Variants in PPARGC1A observed in about 807,000 individuals in gnomAD.
The protein encoded by PPARGC1A is peroxisome proliferator-activated receptor gamma coactivator 1-alpha.
A neutral mutation model predicts 88.7 loss-of-function variants in PPARGC1A; 25 were observed. The observed-to-expected ratio is 0.28, with a 90% CI of 0.21 to 0.39. PPARGC1A has a LOEUF of 0.39. PPARGC1A is among the 10% of genes least tolerant of loss of function. The pLI is 1.00. For synonymous variants in PPARGC1A, 363 were observed against 355.6 expected, an observed-to-expected ratio of 1.02 and a Z score of -0.24; for missense variants, 880 against 968.7, an observed-to-expected ratio of 0.91 and a Z score of 1.22.
chr4:24,025,190 A>T, the PPARGC1A span, among the ~76,000 whole-genome samples: 2 of 152,172 alleles, frequency 1.3e-5, no homozygotes, highest in African/African-American at 4.8e-5. Context: ...GAGCAATGAG[A>T]TATGCAGTGT....
the PPARGC1A span, among the ~76,000 whole-genome samples, chr4:24,433,050 C>T: frequency 6.6e-6 from 1 of 152,178 alleles, no homozygotes; most frequent in Non-Finnish European, 1.5e-5. Flanking sequence ...CTTCTGCCGA[C>T]TCTAATGCCT....
At chr4:24,180,586 G>A in the PPARGC1A span, among the ~76,000 whole-genome samples, 8 of 152,104 alleles carry the variant, frequency 5.3e-5, no homozygotes, top group Non-Finnish European at 1.0e-4. Flanking sequence ...GCAACACCCT[G>A]ACATCTAAAT....
the PPARGC1A span, among the ~76,000 whole-genome samples, chr4:24,018,496 A>AGG: frequency 6.6e-6 from 1 of 152,030 alleles, no homozygotes; most frequent in East Asian, 1.9e-4. Context: ...GAGGGTGATG[A>AGG]GGGGGGGCAA....
the PPARGC1A span, among the ~76,000 whole-genome samples, chr4:24,448,054 C>A: frequency 6.6e-6 from 1 of 152,214 alleles, no homozygotes; most frequent in African/African-American, 2.4e-5. Flanking sequence ...CACAAAGAAC[C>A]GTGGACATCT....
chr4:23,801,256 TACAC>T (rs914501271), intron 12 of PPARGC1A, among the ~76,000 whole-genome samples: 3 of 151,336 alleles, frequency 2.0e-5, no homozygotes, highest in East Asian at 1.9e-4. Context: ...CCTGCATACA[TACAC>T]ACACAAAGAC....
At chr4:24,371,075 C>G in the PPARGC1A span, among the ~76,000 whole-genome samples, 1 of 152,094 alleles carries the variant, frequency 6.6e-6, no homozygotes, top group African/African-American at 2.4e-5. Context: ...ATGATGGTTT[C>G]CAGCTTCATC....
the PPARGC1A span, among the ~76,000 whole-genome samples, chr4:24,074,104 G>C: frequency 3.3e-5 from 5 of 152,106 alleles, no homozygotes; most frequent in African/African-American, 1.2e-4. Flanking sequence ...CCGCAAAAGG[G>C]ATTTCCACTC....
chr4:24,127,525 T>TTATA, the PPARGC1A span, among the ~76,000 whole-genome samples: 7 of 151,190 alleles, frequency 4.6e-5, no homozygotes, highest in African/African-American at 7.3e-5. Flanking sequence ...ATGATTAACT[T>TTATA]TATATATATA....
chr4:24,303,227 G>A, the PPARGC1A span, among the ~76,000 whole-genome samples: 1 of 152,134 alleles, frequency 6.6e-6, no homozygotes, highest in African/African-American at 2.4e-5. Flanking sequence ...AGAAGACAGA[G>A]AAGAAGTTAT....
chr4:24,221,440 C>A, the PPARGC1A span, among the ~76,000 whole-genome samples: 1 of 152,118 alleles, frequency 6.6e-6, no homozygotes. Flanking sequence ...GATGGCAGAA[C>A]CTGGTTTTTA....
At chr4:24,320,397 AT>A in the PPARGC1A span, among the ~76,000 whole-genome samples, 2 of 152,166 alleles carry the variant, frequency 1.3e-5, no homozygotes, top group Admixed American at 1.3e-4. Context: ...CCAGATTTAC[AT>A]TTACTTGGCC....
the PPARGC1A span, among the ~76,000 whole-genome samples, chr4:23,971,732 C>T: frequency 6.6e-6 from 1 of 152,178 alleles, no homozygotes; most frequent in African/African-American, 2.4e-5. Flanking sequence ...GACTCAAATG[C>T]TAATCTCCTT....
chr4:24,209,080 G>A, the PPARGC1A span, among the ~76,000 whole-genome samples: 26 of 152,180 alleles, frequency 1.7e-4, no homozygotes, highest in Admixed American at 1.2e-3. Context: ...CGAAGTCATC[G>A]GCAGTGAAGA....
the PPARGC1A span, among the ~76,000 whole-genome samples, chr4:24,141,691 G>C: frequency 3.9e-5 from 6 of 152,196 alleles, no homozygotes; most frequent in African/African-American, 1.4e-4. Flanking sequence ...GCTGGTGAAG[G>C]AATGTTGCTT....
chr4:23,845,519 C>T (rs962847659), intron 2 of PPARGC1A, among the ~76,000 whole-genome samples: 4 of 152,070 alleles, frequency 2.6e-5, no homozygotes, highest in African/African-American at 9.7e-5. Flanking sequence ...AAAATTGTCT[C>T]AAGGTGGTTG....
At chr4:24,180,240 C>T in the PPARGC1A span, among the ~76,000 whole-genome samples, 12 of 152,292 alleles carry the variant, frequency 7.9e-5, no homozygotes, top group African/African-American at 2.6e-4. Context: ...ACAATCTTTG[C>T]TAATCTGCAA....
At chr4:24,014,560 T>C in the PPARGC1A span, among the ~76,000 whole-genome samples, 1 of 152,138 alleles carries the variant, frequency 6.6e-6, no homozygotes, top group African/African-American at 2.4e-5. Context: ...CAGCCTGTGT[T>C]CTCATCTGGA....
At chr4:23,969,698 A>G in the PPARGC1A span, among the ~76,000 whole-genome samples, 1 of 152,130 alleles carries the variant, frequency 6.6e-6, no homozygotes, top group Non-Finnish European at 1.5e-5. Flanking sequence ...GTCTTTTTAA[A>G]TTCAGCCCCA....
At chr4:24,339,657 G>T in the PPARGC1A span, among the ~76,000 whole-genome samples, 3 of 152,174 alleles carry the variant, frequency 2.0e-5, no homozygotes, top group Non-Finnish European at 2.9e-5. Flanking sequence ...AGCCAATGGC[G>T]CTCAAAGTCA....
Sources: gnomAD v4.1 joint callset for allele counts (sites outside exome capture counted in the v4.1 genomes callset) on GRCh38, gnomAD v4.1.1 for gene constraint, MANE v1.5 for transcripts, NCBI Gene and HGNC (gene_info 2026-07-23, HGNC 2026-07-21) for gene names.